The following CATSPERE variants were observed in gnomAD, a reference collection of about 807,000 sequenced individuals.
CATSPERE encodes catsper channel auxiliary subunit epsilon, also known as cation channel sperm-associated auxiliary subunit epsilon.
In CATSPERE, 93 loss-of-function variants were observed where a neutral mutation model predicts 114.1. The observed-to-expected ratio is 0.81, with a 90% CI of 0.69 to 0.97. The LOEUF is 0.97. CATSPERE is among the 50% of genes least tolerant of loss of function. The pLI, the probability that CATSPERE is intolerant of heterozygous loss-of-function variation, is 0.00. For missense variants in CATSPERE, 1,058 were observed against 1,131.6 expected (o/e 0.93, Z 0.93); for synonymous variants, 341 against 384.1 (o/e 0.89, Z 1.31).
intron 10 of CATSPERE, among the ~76,000 whole-genome samples, chr1:244,571,828 CGGAGAGATCCCT>C (rs1362435165): frequency 6.6e-6 from 1 of 152,058 alleles, no homozygotes; most frequent in East Asian, 1.9e-4. Context: ...TCTGTGTGTC[CGGAGAGATCCCT>C]GGTGTCTCTT....
At chr1:244,485,146 A>T (rs1558343907) in intron 5 of CATSPERE, among the ~76,000 whole-genome samples, 1 of 150,982 alleles carries the variant, frequency 6.6e-6, no homozygotes, top group African/African-American at 2.4e-5. Flanking sequence ...TCTTTCATCA[A>T]TTCTGGAAAA....
At chr1:244,532,879 C>T (rs1319756728) in intron 8 of CATSPERE, among the ~76,000 whole-genome samples, 5 of 152,050 alleles carry the variant, frequency 3.3e-5, no homozygotes, top group African/African-American at 1.2e-4. Flanking sequence ...TCCATTTGGT[C>T]TGTAGTGGAG....
chr1:244,510,046 GT>G (rs2148324969), intron 7 of CATSPERE, among the ~76,000 whole-genome samples: 2 of 151,920 alleles, frequency 1.3e-5, no homozygotes, highest in African/African-American at 4.8e-5. Flanking sequence ...TTGATTCTTT[GT>G]ATGTGTTTTA....
intron 20 of CATSPERE, among the ~76,000 whole-genome samples, chr1:244,624,060 C>G (rs1237057916): frequency 6.6e-6 from 1 of 151,832 alleles, no homozygotes; most frequent in Non-Finnish European, 1.5e-5. Context: ...CTCCCGGGTT[C>G]ACACCATTCT....
At chr1:244,583,384 A>G (rs1666530233) in intron 12 of CATSPERE, among the ~76,000 whole-genome samples, 1 of 152,146 alleles carries the variant, frequency 6.6e-6, no homozygotes, top group African/African-American at 2.4e-5. Flanking sequence ...GTCAGATCAT[A>G]TTAGACCATT....
At chr1:244,458,908 G>T (rs575789726), upstream of CATSPERE, among the ~76,000 whole-genome samples, 17 of 152,212 alleles carry the variant, frequency 1.1e-4, no homozygotes, top group Admixed American at 4.6e-4. Context: ...AAGCCCATTG[G>T]GGAATCTGGC....
intron 17 of CATSPERE, among the ~76,000 whole-genome samples, chr1:244,600,505 G>T (rs1441376177): frequency 6.6e-6 from 1 of 152,126 alleles, no homozygotes; most frequent in Non-Finnish European, 1.5e-5. Flanking sequence ...GTTCACCTCA[G>T]GCCTCCTATG....
intron 1 of CATSPERE, 86 bp from the exon 2 acceptor site, chr1:244,463,822 C>A: frequency 8.4e-7 from 1 of 1,197,324 alleles, no homozygotes; most frequent in South Asian, 1.3e-5. Context: ...TCCTGGCAGC[C>A]CAGCTATGCC....
intron 7 of CATSPERE, among the ~76,000 whole-genome samples, chr1:244,515,893 A>G (rs1676531598): frequency 1.3e-5 from 2 of 150,330 alleles, no homozygotes; most frequent in South Asian, 4.1e-4. Context: ...TATAATAATA[A>G]TGCTATTAAA....
rs114728465 is a variant in CATSPERE, at chr1:244,521,797, G to T, written c.536+3099G>T. 1.6e-3 allele frequency among the ~76,000 whole-genome samples: 240 copies of T among 152,214 alleles called. 2 individuals carry two copies. The highest frequency in any genetic ancestry group is 2.8e-3 in the Non-Finnish European group (192 of 68,008). ...CAGCTCATTGATGAATACATGACCT[G>T]ATGTTCAGCCTCATTAGTAATCAAA... On this transcript the variant is annotated intron_variant, in intron 8 of 21. Transcript: ENST00000366534.
intron 17 of CATSPERE, among the ~76,000 whole-genome samples, chr1:244,599,867 TAGTCTAC>T (rs760512243): frequency 2.0e-5 from 3 of 152,178 alleles, no homozygotes; most frequent in Non-Finnish European, 2.9e-5. Flanking sequence ...AGGCAAAATA[TAGTCTAC>T]AGTTTTTCAG....
At chr1:244,547,360 G>A (rs1448318288) in intron 8 of CATSPERE, among the ~76,000 whole-genome samples, 1 of 152,136 alleles carries the variant, frequency 6.6e-6, no homozygotes, top group Non-Finnish European at 1.5e-5. Context: ...GGATGCTAAT[G>A]AGTAATATGA....
In CATSPERE at chr1:244,461,451, GTGC is replaced by G. The variant is rs1405405974; in HGVS notation, c.31_33del (p.Leu11del). Reference sequence around the variant, plus strand: ...CGCCATGTCAGCCCGGGAAGTGGCCGTGCTGCTGCTGTGGCTGAGCTGCTATGG... The same window carrying G: ...CGCCATGTCAGCCCGGGAAGTGGCCGTGCTGCTGTGGCTGAGCTGCTATGG... On this transcript the variant is annotated inframe_deletion, in exon 1 of 22. Transcript: ENST00000366534. The G allele has an allele frequency of 5.1e-6, 7 of 1,384,470 alleles. No individual in the cohort carries two copies. The highest frequency in any genetic ancestry group is 1.5e-5 in the African/African-American group (1 of 67,258). 85.8% of individuals were successfully genotyped at this position (1,384,470 alleles called of 1,614,324 possible).
chr1:244,464,162 T>C (rs1188650545), intron 2 of CATSPERE, among the ~76,000 whole-genome samples: 1 of 152,138 alleles, frequency 6.6e-6, no homozygotes, highest in African/African-American at 2.4e-5. Flanking sequence ...TTGTTTTGAG[T>C]GTTTTCGTGA....
intron 8 of CATSPERE, among the ~76,000 whole-genome samples, chr1:244,540,384 T>C: frequency 1.1e-5 from 1 of 87,888 alleles, no homozygotes; most frequent in African/African-American, 3.7e-5. Flanking sequence ...AGCCAAATCA[T>C]GAGTGAACTC....
chr1:244,552,744 T>G lies in CATSPERE; in HGVS notation c.959T>G (p.Val320Gly). Residue 320 changes from valine to glycine, a missense_variant, in exon 9 of 22, where the codon GTA becomes GGA. This residue lies in a region of CATSPERE where 787 missense variants were observed against 905.6 expected (regional missense o/e 0.87). Transcript: ENST00000366534. ...FRGFIRLGGI[V>G]NLPDGGITGI... Reference sequence around the variant, plus strand: ...GGATTTATAAGACTGGGAGGAATTGTAAATCTTCCTGATGGTGGAATTACT... The same window carrying G: ...GGATTTATAAGACTGGGAGGAATTGGAAATCTTCCTGATGGTGGAATTACT... The G allele has an allele frequency of 6.2e-7, 1 of 1,613,418 alleles. No individual in the cohort carries two copies. Among genetic ancestry groups the G allele is most frequent in the African/African-American group, 1.3e-5 (1 of 75,024 alleles).
intron 5 of CATSPERE, among the ~76,000 whole-genome samples, chr1:244,489,485 GGAAA>G (rs1385958746): frequency 3.4e-5 from 3 of 88,758 alleles, no homozygotes; most frequent in Admixed American, 1.5e-4. Flanking sequence ...TTTTTTTGGT[GGAAA>G]GAAAGAGGTT....
intron 11 of CATSPERE, among the ~76,000 whole-genome samples, chr1:244,578,823 C>CATATATACATATATAT (rs1553369151): frequency 7.5e-6 from 1 of 133,018 alleles, no homozygotes; most frequent in African/African-American, 2.8e-5. Context: ...GGTGCATATA[C>CATATATACATATATAT]ATATATATAT....
At position 244,610,230 on chromosome 1, in the gene CATSPERE, C is replaced by A. The variant is rs1194912860; in HGVS notation, c.2404-10C>A. ...CTACCTACCCACATACATGTGCCAT[C>A]TTTTGACAGAGTGGTTGTTTACATG... On this transcript the variant is annotated splice_polypyrimidine_tract_variant and intron_variant, in intron 18 of 21. Transcript: ENST00000366534. The A allele has an allele frequency of 6.3e-7, 1 of 1,589,368 alleles. No homozygotes were observed. The highest frequency in any genetic ancestry group is 8.6e-7 in the Non-Finnish European group (1 of 1,164,268).
Sources: gnomAD v4.1 joint callset for allele counts (sites outside exome capture counted in the v4.1 genomes callset) on GRCh38, gnomAD v4.1.1 for gene constraint, gnomAD v4.1.1 regional missense constraint, MANE v1.5 for transcripts, NCBI Gene and HGNC (gene_info 2026-07-23, HGNC 2026-07-21) for gene names.